Variants in ANKRD13A observed in about 807,000 individuals in gnomAD.
ANKRD13A encodes ankyrin repeat domain 13A.
Under a neutral mutation model 81.3 loss-of-function variants are expected in ANKRD13A, and 48 were observed. The ratio of observed to expected loss-of-function variants is 0.59; its 90% CI spans 0.47 to 0.75. The LOEUF (loss-of-function observed/expected upper bound fraction) is 0.75, where lower values mean the gene tolerates loss of function less well. ANKRD13A is among the 30% of genes least tolerant of loss of function. The probability of loss-of-function intolerance (pLI) is 0.00; values close to 1 mark genes in which losing one functional copy is unlikely to be tolerated. For synonymous variants in ANKRD13A, 230 were observed against 270.1 expected (o/e 0.85, Z 1.45); for missense variants, 612 against 734.0 (o/e 0.83, Z 1.92).
rs138719507 is a variant in ANKRD13A, at chr12:110,028,245, A to C, written c.946-267A>C. The C allele has an allele frequency of 4.7e-5, 18 of 381,390 alleles. No individual in the cohort carries two copies. The East Asian group carries it at 8.8e-4, about 19-fold the overall frequency. 23.6% of individuals were successfully genotyped at this position (381,390 alleles called of 1,614,324 possible). A position where few individuals can be genotyped will look rare whatever the true frequency, so the allele number is the denominator to read the frequency against. ...TTCCAAGTCTCATGCACTTTCAGATATTTCTTTCTTTTTTTCTTTGTTATA... is the reference window on the plus strand; with the variant it reads ...TTCCAAGTCTCATGCACTTTCAGATCTTTCTTTCTTTTTTTCTTTGTTATA... On this transcript the variant is annotated intron_variant, in intron 9 of 14. Transcript: ENST00000261739.
Position 110,036,378 on chromosome 12 carries a change from G to A in ANKRD13A, c.1577+50G>A. 2 of 1,571,954 alleles carry A rather than the reference G, an allele frequency of 1.3e-6. No homozygotes were observed. The highest frequency in any genetic ancestry group is 8.8e-7 in the Non-Finnish European group (1 of 1,142,106). On this transcript the variant is annotated intron_variant, in intron 14 of 14. Coordinates refer to ENST00000261739, the MANE Select transcript of ANKRD13A (RefSeq NM_033121.2). This position sits in a 1 kb window ranked among gnomAD's most constrained non-coding sequence, Gnocchi z 4.6. ...ATAAACCAGGGTGAACACAGGCCTG[G>A]ACACAGGCGAGCAGACGCGTGGCAC...
intron 1 of ANKRD13A, among the ~76,000 whole-genome samples, chr12:110,007,023 A>G (rs1307324159): frequency 6.6e-6 from 1 of 152,172 alleles, no homozygotes; most frequent in East Asian, 1.9e-4. Flanking sequence ...GTGTGGGTTT[A>G]TTTCTGGACT....
chr12:110,022,607 C>A (rs954852076), intron 6 of ANKRD13A: 3 of 152,230 alleles, frequency 2.0e-5, no homozygotes, highest in Non-Finnish European at 2.9e-5. Context: ...CAGACGTAAT[C>A]ATCTTTCCAT....
intron 1 of ANKRD13A, among the ~76,000 whole-genome samples, chr12:110,011,121 AAG>A (rs1225914971): frequency 2.0e-5 from 3 of 152,056 alleles, no homozygotes; most frequent in African/African-American, 7.2e-5. Flanking sequence ...AAAAAAAAAA[AAG>A]GTTGTACTTT....
chr12:110,033,984 C>T, intron 13 of ANKRD13A, 27 bp downstream of exon 13: 1 of 1,583,844 alleles, frequency 6.3e-7, no homozygotes. Context: ...ACTCTAATGG[C>T]AGGGCGTGGG....
At position 110,038,946 on chromosome 12, in the gene ANKRD13A, G is replaced by T. The variant is rs112192220; in HGVS notation, c.*1392G>T. The T allele has an allele frequency of 2.0e-5, 3 of 152,152 alleles. No homozygotes were observed. The highest frequency in any genetic ancestry group is 7.2e-5 in the African/African-American group (3 of 41,424). The allele number at this position is 152,152 out of a possible 1,614,324, so 9.4% of individuals were successfully genotyped here. ...TATTTCTTCTATTGTGCTTCTTTGG[G>T]GATAGGAAGAGAAACATAACTACTG... On this transcript the variant is annotated 3_prime_UTR_variant, in exon 15 of 15. Transcript: ENST00000261739.
At chr12:110,016,543 A>G (rs1890813562) in intron 4 of ANKRD13A, 110 bp downstream of exon 4, 1 of 1,027,002 alleles carries the variant, frequency 9.7e-7, no homozygotes, top group Admixed American at 2.6e-5. Flanking sequence ...TAGTCAAGGA[A>G]ATACATAGTG....
chr12:110,033,587 T>G (rs1372020412), intron 12 of ANKRD13A, among the ~76,000 whole-genome samples: 3 of 152,288 alleles, frequency 2.0e-5, no homozygotes, highest in African/African-American at 4.8e-5. Context: ...ATGACTGTGT[T>G]CGTTGTTTCC....
chr12:110,018,527 A>C lies in ANKRD13A; in HGVS notation c.544+39A>C. The C allele has an allele frequency of 1.3e-6, 2 of 1,593,662 alleles. No homozygotes were observed. The highest frequency in any genetic ancestry group is 1.7e-6 in the Non-Finnish European group (2 of 1,166,068). On this transcript the variant is annotated intron_variant, in intron 5 of 14. Transcript: ENST00000261739. The surrounding 1 kb of genome is among the most constrained non-coding windows in gnomAD (Gnocchi z 4.4). The stretch of plus-strand genomic sequence containing the variant: ...CTTGTAGTAATCACTGCTCAAGCAA[A>C]ATTACAGGGTGATTTTTAACCAAGA...
intron 5 of ANKRD13A, 131 bp from the exon 6 acceptor site, chr12:110,019,008 A>G (rs1890936274): frequency 2.2e-6 from 2 of 925,220 alleles, no homozygotes; most frequent in Non-Finnish European, 3.2e-6. Context: ...GATAATCAGT[A>G]CACTGTAGGT....
intron 1 of ANKRD13A, among the ~76,000 whole-genome samples, chr12:110,001,853 G>A (rs1374244007): frequency 6.6e-6 from 1 of 152,184 alleles, no homozygotes; most frequent in Non-Finnish European, 1.5e-5. Flanking sequence ...TTCACCATTA[G>A]GCATTTTAGT....
intron 1 of ANKRD13A, among the ~76,000 whole-genome samples, chr12:110,003,142 G>A (rs1240395343): frequency 2.0e-5 from 3 of 152,172 alleles, no homozygotes; most frequent in African/African-American, 7.2e-5. Context: ...ACACTTAAGG[G>A]GACAGATGCA....
chr12:110,014,421 AAAAT>A (rs1890686625), intron 3 of ANKRD13A, among the ~76,000 whole-genome samples: 1 of 152,184 alleles, frequency 6.6e-6, no homozygotes, highest in African/African-American at 2.4e-5. Context: ...CAAAAAATAA[AAAAT>A]AAAAATAAAA....
rs571451413 is a variant in ANKRD13A at position 110,020,022 on chromosome 12, C to T, written c.734+694C>T. Among the ~76,000 whole-genome samples the T allele has an allele frequency of 4.6e-5, 7 of 152,292 alleles. No homozygotes were observed. The South Asian group carries it at 8.3e-4, about 18-fold the overall frequency. On this transcript the variant is annotated intron_variant, in intron 6 of 14. Coordinates refer to ENST00000261739, the MANE Select transcript of ANKRD13A (RefSeq NM_033121.2). Reference sequence around the variant, plus strand: ...GTTTCTACAGTGGAGACCACTGATCCGAGGGAGTCCTAAGAGCACTGATAG... The same window carrying T: ...GTTTCTACAGTGGAGACCACTGATCTGAGGGAGTCCTAAGAGCACTGATAG...
intron 6 of ANKRD13A, 79 bp from the exon 7 acceptor site, chr12:110,023,964 GAAA>G: frequency 7.1e-7 from 1 of 1,404,482 alleles, no homozygotes. Context: ...AGCTGGGGGG[GAAA>G]AAAACTATAA....
At chr12:110,012,839 G>A (rs973282653) in intron 2 of ANKRD13A, among the ~76,000 whole-genome samples, 1 of 152,152 alleles carries the variant, frequency 6.6e-6, no homozygotes, top group Non-Finnish European at 1.5e-5. Context: ...TTGTGTGATC[G>A]TATAGTTAAA....
At chr12:110,003,464 C>T (rs1461372452) in intron 1 of ANKRD13A, among the ~76,000 whole-genome samples, 2 of 152,202 alleles carry the variant, frequency 1.3e-5, no homozygotes, top group African/African-American at 4.8e-5. Flanking sequence ...GGAAACTGGC[C>T]TCAAGATTCC....
chr12:110,025,877 A>C, intron 8 of ANKRD13A, 54 bp downstream of exon 8: 1 of 1,507,090 alleles, frequency 6.6e-7, no homozygotes, highest in South Asian at 1.1e-5. Context: ...TTAAGCCTAG[A>C]GGGAACTCTT....
rs958442815 is a variant in ANKRD13A, at chr12:110,038,478, T to G, written c.*924T>G. 1 of 152,486 alleles carries G rather than the reference T, an allele frequency of 6.6e-6. No homozygotes were observed. Among genetic ancestry groups the G allele is most frequent in the African/African-American group, 2.4e-5 (1 of 41,388 alleles). 9.4% of individuals were successfully genotyped at this position (152,486 alleles called of 1,614,324 possible). On this transcript the variant is annotated 3_prime_UTR_variant, in exon 15 of 15. Coordinates refer to ENST00000261739, the MANE Select transcript of ANKRD13A (RefSeq NM_033121.2). Reference sequence around the variant, plus strand: ...AGTGAAGGATTTCCACGTAGACACCTAGGAAGAGCCCGCATGCCCTAGACT... The same window carrying G: ...AGTGAAGGATTTCCACGTAGACACCGAGGAAGAGCCCGCATGCCCTAGACT...
Sources: gnomAD v4.1 joint callset for allele counts (sites outside exome capture counted in the v4.1 genomes callset) on GRCh38, gnomAD v4.1.1 for gene constraint, Gnocchi (gnomAD v3.1) non-coding constraint, MANE v1.5 for transcripts, NCBI Gene and HGNC (gene_info 2026-07-23, HGNC 2026-07-21) for gene names.